METTL15: variants seen among roughly 807,000 people sequenced by gnomAD.
METTL15 encodes the protein 12S rRNA N(4)-cytidine methyltransferase METTL15.
A neutral mutation model predicts 38.3 loss-of-function variants in METTL15; 34 were observed. The ratio of observed to expected loss-of-function variants is 0.89; its 90% CI spans 0.68 to 1.18. The LOEUF is 1.18. METTL15 is among the 50% of genes most tolerant of loss of function. The pLI is 0.00. For synonymous variants in METTL15, 162 were observed against 170.9 expected, an observed-to-expected ratio of 0.95 and a Z score of 0.41; for missense variants, 438 against 498.4, an observed-to-expected ratio of 0.88 and a Z score of 1.15.
intron 3 of METTL15, among the ~76,000 whole-genome samples, chr11:28,196,483 G>A (rs986332347): frequency 2.0e-5 from 3 of 151,850 alleles, no homozygotes; most frequent in Non-Finnish European, 4.4e-5. Context: ...AAGGGATTGA[G>A]TTCTTCATTT....
intron 3 of METTL15, chr11:28,163,650 C>G (rs1461257104): frequency 1.5e-5 from 6 of 391,548 alleles, no homozygotes; most frequent in Non-Finnish European, 2.7e-5. Context: ...TAATTTTCCC[C>G]CAGAATCAAT....
chr11:28,367,411 T>G (rs1850197407), intron 5 of METTL15, among the ~76,000 whole-genome samples: 1 of 152,144 alleles, frequency 6.6e-6, no homozygotes, highest in Non-Finnish European at 1.5e-5. Flanking sequence ...CCAGGCTGAT[T>G]GGTCAATATC....
At chr11:28,422,508 A>C (rs927902725) in intron 5 of METTL15, among the ~76,000 whole-genome samples, 5 of 151,990 alleles carry the variant, frequency 3.3e-5, no homozygotes, top group Non-Finnish European at 7.4e-5. Flanking sequence ...CAAAGAAATG[A>C]ACAGAATAGA....
At chr11:28,179,461 A>C (rs748610838) in intron 3 of METTL15, among the ~76,000 whole-genome samples, 3 of 151,826 alleles carry the variant, frequency 2.0e-5, no homozygotes, top group Non-Finnish European at 4.4e-5. Flanking sequence ...TGTCTCAAAC[A>C]TAACTACTTT....
chr11:28,315,312 G>T (rs896793470), intron 6 of METTL15, among the ~76,000 whole-genome samples: 1 of 152,210 alleles, frequency 6.6e-6, no homozygotes, highest in Non-Finnish European at 1.5e-5. Flanking sequence ...CTGGAGCAAA[G>T]GTGACTCTGT....
intron 6 of METTL15, among the ~76,000 whole-genome samples, chr11:28,316,042 T>G (rs1051856911): frequency 6.6e-6 from 1 of 151,994 alleles, no homozygotes. Context: ...CCACACAGAG[T>G]TCCCACTGAG....
chr11:28,129,752 A>T (rs1012373172), intron 3 of METTL15, among the ~76,000 whole-genome samples: 31 of 152,174 alleles, frequency 2.0e-4, no homozygotes, highest in Admixed American at 8.5e-4. Context: ...GAACTTTAAA[A>T]AGTTGAATTC....
intron 6 of METTL15, among the ~76,000 whole-genome samples, chr11:28,313,382 A>G (rs555982946): frequency 1.3e-5 from 2 of 152,136 alleles, no homozygotes; most frequent in South Asian, 2.1e-4. Flanking sequence ...ATGAATTCAT[A>G]ATCATAAAGA....
chr11:28,245,038 C>T (rs1038339544), intron 4 of METTL15, among the ~76,000 whole-genome samples: 4 of 152,160 alleles, frequency 2.6e-5, no homozygotes, highest in African/African-American at 9.7e-5. Context: ...GGTCTAGGAC[C>T]TGAACTGATG....
intron 3 of METTL15, among the ~76,000 whole-genome samples, chr11:28,207,800 C>T (rs908796555): frequency 6.6e-6 from 1 of 152,102 alleles, no homozygotes; most frequent in Non-Finnish European, 1.5e-5. Context: ...TGTTATTGGT[C>T]TTTTCAGAGA....
At chr11:28,353,873 C>T (rs1172948671) in intron 4 of METTL15, among the ~76,000 whole-genome samples, 3 of 144,836 alleles carry the variant, frequency 2.1e-5, no homozygotes, top group Middle Eastern at 3.7e-3. Flanking sequence ...TGCAGTGAGC[C>T]GAGATTGCGC....
chr11:28,156,165 G>A (rs973242146), intron 3 of METTL15, among the ~76,000 whole-genome samples: 3 of 152,070 alleles, frequency 2.0e-5, no homozygotes, highest in African/African-American at 7.2e-5. Flanking sequence ...ATAAGATTTG[G>A]AAGTCACCTC....
chr11:28,294,601 A>C (rs926048538), intron 5 of METTL15, among the ~76,000 whole-genome samples: 1 of 152,104 alleles, frequency 6.6e-6, no homozygotes, highest in Non-Finnish European at 1.5e-5. Flanking sequence ...ACTGGAAGGT[A>C]ATTAATTGTG....
intron 1 of METTL15, among the ~76,000 whole-genome samples, chr11:28,108,703 G>C (rs1851590608): frequency 6.6e-6 from 1 of 152,134 alleles, no homozygotes; most frequent in South Asian, 2.1e-4. Context: ...AGGACTTCCA[G>C]GCCTACTCCC....
intron 6 of METTL15, among the ~76,000 whole-genome samples, chr11:28,316,276 C>T (rs531334034): frequency 1.4e-4 from 22 of 152,282 alleles, no homozygotes; most frequent in African/African-American, 4.6e-4. Flanking sequence ...GGATGTGAGA[C>T]GTGGATTCAA....
chr11:28,452,193 G>A (rs940906385), intron 6 of METTL15, among the ~76,000 whole-genome samples: 2 of 152,178 alleles, frequency 1.3e-5, no homozygotes, highest in South Asian at 4.1e-4. Context: ...ATAATAGGGA[G>A]GGGTGCCTTT....
chr11:28,515,283 T>C (rs1050670101), intron 6 of METTL15, among the ~76,000 whole-genome samples: 5 of 152,216 alleles, frequency 3.3e-5, no homozygotes, highest in African/African-American at 9.6e-5. Flanking sequence ...CCTGAACTTA[T>C]AAACCTTGTA....
At chr11:28,128,635 G>A (rs1055573208) in intron 3 of METTL15, among the ~76,000 whole-genome samples, 2 of 151,994 alleles carry the variant, frequency 1.3e-5, no homozygotes. Context: ...AATGTTTTGC[G>A]TAAAAGTTGA....
chr11:28,315,976 T>C (rs1857466979), intron 6 of METTL15, among the ~76,000 whole-genome samples: 1 of 152,242 alleles, frequency 6.6e-6, no homozygotes, highest in Admixed American at 6.5e-5. Flanking sequence ...GCTGCAGGGC[T>C]TGGGCCCTCA....
Sources: gnomAD v4.1 joint callset for allele counts (sites outside exome capture counted in the v4.1 genomes callset) on GRCh38, gnomAD v4.1.1 for gene constraint, MANE v1.5 for transcripts, NCBI Gene and HGNC (gene_info 2026-07-23, HGNC 2026-07-21) for gene names.